DGKI: variants seen among roughly 807,000 people sequenced by gnomAD.
DGKI encodes DAG kinase iota.
DGKI carries 55 observed loss-of-function variants against 147.5 expected under a neutral mutation model. That is an observed-to-expected ratio of 0.37 (90% CI 0.30 to 0.47). The LOEUF (loss-of-function observed/expected upper bound fraction) is 0.47. Ranked by LOEUF, DGKI falls within the 20% of genes least tolerant of loss-of-function variation. The pLI, the probability that DGKI is intolerant of heterozygous loss-of-function variation, is 1.00. For synonymous variants in DGKI, 469 were observed against 477.1 expected (o/e 0.98, Z 0.22); for missense variants, 1,007 against 1,323.8 (o/e 0.76, Z 3.71).
intron 1 of DGKI, among the ~76,000 whole-genome samples, chr7:137,831,291 T>G (rs994227751): frequency 6.6e-6 from 1 of 152,182 alleles, no homozygotes; most frequent in Non-Finnish European, 1.5e-5. Context: ...TCACAATGAA[T>G]AGAAAGACTG....
At chr7:137,506,631 C>A (rs1326237241) in intron 21 of DGKI, among the ~76,000 whole-genome samples, 1 of 152,018 alleles carries the variant, frequency 6.6e-6, no homozygotes, top group Non-Finnish European at 1.5e-5. Flanking sequence ...ATTGGCTCAT[C>A]AATAGTAACA....
intron 1 of DGKI, among the ~76,000 whole-genome samples, chr7:137,793,688 CTAA>C (rs1490229420): frequency 6.6e-6 from 1 of 152,172 alleles, no homozygotes. Flanking sequence ...AAATGGGCTA[CTAA>C]TGTTTACCAT....
At chr7:137,588,013 T>C (rs939008846) in intron 12 of DGKI, among the ~76,000 whole-genome samples, 1 of 152,226 alleles carries the variant, frequency 6.6e-6, no homozygotes, top group Admixed American at 6.5e-5. Context: ...GTCCTTATAA[T>C]GTCATACTAA....
At chr7:137,407,840 A>G in intron 30 of DGKI, 35 bp downstream of exon 30, 1 of 1,609,948 alleles carries the variant, frequency 6.2e-7, no homozygotes, top group Non-Finnish European at 8.5e-7. Context: ...TTTCACAGGT[A>G]AGTGATCCTT....
At chr7:137,811,282 C>T (rs1055731225) in intron 1 of DGKI, among the ~76,000 whole-genome samples, 3 of 151,800 alleles carry the variant, frequency 2.0e-5, no homozygotes, top group African/African-American at 2.4e-5. Flanking sequence ...TGGGAAGATC[C>T]ATTAAGCTCT....
At chr7:137,663,611 T>C (rs1424618105) in intron 3 of DGKI, among the ~76,000 whole-genome samples, 1 of 150,596 alleles carries the variant, frequency 6.6e-6, no homozygotes, top group African/African-American at 2.4e-5. Flanking sequence ...AGTGTGGAGG[T>C]TTGAACGGTG....
At chr7:137,679,769 C>T (rs1242573026) in intron 2 of DGKI, among the ~76,000 whole-genome samples, 2 of 151,948 alleles carry the variant, frequency 1.3e-5, no homozygotes, top group African/African-American at 4.8e-5. Flanking sequence ...GGGCAGAACA[C>T]TTGAAGTCAG....
intron 3 of DGKI, among the ~76,000 whole-genome samples, chr7:137,660,167 A>G (rs1822373303): frequency 6.6e-6 from 1 of 152,084 alleles, no homozygotes; most frequent in Admixed American, 6.5e-5. Context: ...GGGTTTCCTG[A>G]TTTTGCTGGT....
intron 30 of DGKI, among the ~76,000 whole-genome samples, chr7:137,406,293 C>A (rs527645625): frequency 6.6e-6 from 1 of 152,206 alleles, no homozygotes; most frequent in African/African-American, 2.4e-5. Context: ...TTCACTCTTG[C>A]CCAGAAAGGA....
chr7:137,619,988 C>A, intron 7 of DGKI, 48 bp from the exon 8 acceptor site: 2 of 1,298,352 alleles, frequency 1.5e-6, no homozygotes, highest in Non-Finnish European at 2.2e-6. Flanking sequence ...AAGAGTAATG[C>A]TGCAGCAAGA....
At chr7:137,688,723 T>A (rs1024568425) in intron 2 of DGKI, among the ~76,000 whole-genome samples, 7 of 152,220 alleles carry the variant, frequency 4.6e-5, no homozygotes, top group Non-Finnish European at 1.0e-4. Context: ...TAATTGTTTT[T>A]AATTATGCAA....
At chr7:137,585,002 G>C (rs991602033) in intron 14 of DGKI, among the ~76,000 whole-genome samples, 1 of 152,160 alleles carries the variant, frequency 6.6e-6, no homozygotes, top group Non-Finnish European at 1.5e-5. Flanking sequence ...TTGGAAGCAG[G>C]TACGGAATCT....
chr7:137,828,870 T>C (rs1310145899), intron 1 of DGKI, among the ~76,000 whole-genome samples: 2 of 152,178 alleles, frequency 1.3e-5, no homozygotes, highest in African/African-American at 4.8e-5. Flanking sequence ...TGGGAACTGA[T>C]GTTAAGAATA....
intron 1 of DGKI, among the ~76,000 whole-genome samples, chr7:137,739,926 A>G (rs1378034863): frequency 6.6e-6 from 1 of 152,182 alleles, no homozygotes; most frequent in Admixed American, 6.5e-5. Flanking sequence ...TGTTGGTTGA[A>G]CTATTCCCAC....
At chr7:137,678,676 C>T (rs1823124647) in intron 2 of DGKI, 24 bp from the exon 3 acceptor site, 3 of 1,606,334 alleles carry the variant, frequency 1.9e-6, no homozygotes, top group African/African-American at 2.7e-5. Flanking sequence ...ACCCACCTGA[C>T]ATCAATTTTT....
At chr7:137,588,304 C>T (rs988316612) in intron 12 of DGKI, among the ~76,000 whole-genome samples, 10 of 152,016 alleles carry the variant, frequency 6.6e-5, no homozygotes, top group South Asian at 4.1e-4. Context: ...TATATTTGTA[C>T]GAGTCATGTT....
chr7:137,521,469 C>T (rs1022299366), intron 21 of DGKI, among the ~76,000 whole-genome samples: 1 of 152,040 alleles, frequency 6.6e-6, no homozygotes, highest in African/African-American at 2.4e-5. Flanking sequence ...TTTGCCACAT[C>T]TCTGTGACGA....
chr7:137,548,508 C>T (rs1817937833), intron 20 of DGKI, among the ~76,000 whole-genome samples: 1 of 151,004 alleles, frequency 6.6e-6, no homozygotes, highest in Admixed American at 6.6e-5. Context: ...GGTGCCTCCC[C>T]CGTCTCTCTT....
intron 29 of DGKI, among the ~76,000 whole-genome samples, chr7:137,410,089 T>C (rs763545511): frequency 4.4e-4 from 67 of 152,058 alleles, no homozygotes; most frequent in Non-Finnish European, 6.5e-4. Context: ...AAGCCCTCAG[T>C]AAATATTCCA....
Sources: allele counts gnomAD v4.1 joint callset (sites outside exome capture counted in the v4.1 genomes callset), GRCh38; gene constraint gnomAD v4.1.1; transcripts MANE v1.5; gene names NCBI Gene and HGNC (gene_info 2026-07-23, HGNC 2026-07-21).